Variants in SLC35F6 observed in about 807,000 individuals in gnomAD.
The protein encoded by SLC35F6 is solute carrier family 35 member F6, also known as ANT2-binding protein.
A neutral mutation model predicts 29.4 loss-of-function variants in SLC35F6; 26 were observed. That is an observed-to-expected ratio of 0.89 (90% CI 0.65 to 1.23). The LOEUF is 1.23. Ranked by LOEUF, SLC35F6 falls within the 50% of genes most tolerant of loss-of-function variation. SLC35F6 has a pLI of 0.00. For synonymous variants in SLC35F6, 174 were observed against 206.6 expected, an observed-to-expected ratio of 0.84 and a Z score of 1.35; for missense variants, 428 against 487.8, an observed-to-expected ratio of 0.88 and a Z score of 1.15.
At position 26,779,413 on chromosome 2, in the gene SLC35F6, C is replaced by G. The variant is rs891884997; in HGVS notation, c.*902C>G. On this transcript the variant is annotated 3_prime_UTR_variant, in exon 6 of 6. Coordinates refer to ENST00000344420, the MANE Select transcript of SLC35F6 (RefSeq NM_017877.4). ...ATGCTGTGGCCTTAGTGCCTTCTGGCCCCAGCATTCCATGGGCCTGTGATC... is the reference window on the plus strand; with the variant it reads ...ATGCTGTGGCCTTAGTGCCTTCTGGGCCCAGCATTCCATGGGCCTGTGATC... The G allele has an allele frequency of 6.6e-6, 1 of 152,200 alleles. No individual in the cohort carries two copies. Among genetic ancestry groups the G allele is most frequent in the African/African-American group, 2.4e-5 (1 of 41,436 alleles). 9.4% of individuals were successfully genotyped at this position (152,200 alleles called of 1,614,324 possible).
At chr2:26,776,284 C>A in intron 4 of SLC35F6, 88 bp from the exon 5 acceptor site, 2 of 1,188,442 alleles carry the variant, frequency 1.7e-6, no homozygotes, top group Non-Finnish European at 2.5e-6. Flanking sequence ...AGGTCAGGGG[C>A]TGGCATGTTT....
chr2:26,778,776 A>G lies in SLC35F6; in HGVS notation c.*265A>G. ...CTCTCTGGACCCCTCCTACAGCACT[A>G]GAGCTAAATCATGAAGTTGAATTGT... On this transcript the variant is annotated 3_prime_UTR_variant, in exon 6 of 6. Transcript: ENST00000344420. 1 of 458,910 alleles carries G rather than the reference A, an allele frequency of 2.2e-6. No individual in the cohort carries two copies. The allele number at this position is 458,910 out of a possible 1,614,324, so 28.4% of individuals were successfully genotyped here. A position where few individuals can be genotyped will look rare whatever the true frequency, so the allele number is the denominator to read the frequency against.
intron 4 of SLC35F6, 77 bp from the exon 5 acceptor site, chr2:26,776,295 G>T: frequency 1.5e-6 from 2 of 1,336,596 alleles, no homozygotes; most frequent in East Asian, 2.3e-5. Context: ...TGGCATGTTT[G>T]GTCGCTGTGG....
At position 26,772,193 on chromosome 2, in the gene SLC35F6, A is replaced by G. The variant is rs562048352; in HGVS notation, c.78-2058A>G. On this transcript the variant is annotated intron_variant, in intron 1 of 5. Transcript: ENST00000344420. ...CAAAGCTGGACAGGGACTTTGTCAAACCTAGACCCTAACTGCGGCACAACC... is the reference window on the plus strand; with the variant it reads ...CAAAGCTGGACAGGGACTTTGTCAAGCCTAGACCCTAACTGCGGCACAACC... Among the ~76,000 whole-genome samples, 439 of 152,222 alleles carry G rather than the reference A, an allele frequency of 2.9e-3. 1 individual carries two copies. The highest frequency in any genetic ancestry group is 0.01 in the African/African-American group (422 of 41,536).
chr2:26,768,018 G>A (rs910318830), intron 1 of SLC35F6, among the ~76,000 whole-genome samples: 6 of 152,212 alleles, frequency 3.9e-5, no homozygotes, highest in Admixed American at 3.9e-4. Context: ...GAAGGTGGCA[G>A]GAAGCCTGGA....
intron 1 of SLC35F6, among the ~76,000 whole-genome samples, chr2:26,769,161 C>T (rs1188708895): frequency 1.3e-5 from 2 of 152,220 alleles, no homozygotes; most frequent in African/African-American, 2.4e-5. Context: ...TCTGCCCAAG[C>T]CAGCCCCATC....
intron 1 of SLC35F6, among the ~76,000 whole-genome samples, chr2:26,766,704 C>T (rs1329563607): frequency 1.3e-5 from 2 of 152,188 alleles, no homozygotes; most frequent in Non-Finnish European, 2.9e-5. Context: ...GCACAAAGAG[C>T]ACCTCGCATG....
At chr2:26,773,967 C>T (rs1369018159) in intron 1 of SLC35F6, among the ~76,000 whole-genome samples, 1 of 152,166 alleles carries the variant, frequency 6.6e-6, no homozygotes, top group Non-Finnish European at 1.5e-5. Context: ...CTGTAATGTT[C>T]ATGAGTGATG....
At chr2:26,770,472 CTT>C (rs1033030707) in intron 1 of SLC35F6, among the ~76,000 whole-genome samples, 3 of 152,118 alleles carry the variant, frequency 2.0e-5, no homozygotes, top group African/African-American at 7.2e-5. Context: ...AATCCGATCA[CTT>C]TGGGAGATTG....
chr2:26,766,280 C>T (rs1045146137), intron 1 of SLC35F6, among the ~76,000 whole-genome samples: 3 of 152,204 alleles, frequency 2.0e-5, no homozygotes, highest in African/African-American at 7.2e-5. Flanking sequence ...GCTGCATGCA[C>T]CCCGATGTGA....
At chr2:26,769,760 G>A (rs921765395) in intron 1 of SLC35F6, among the ~76,000 whole-genome samples, 2 of 152,170 alleles carry the variant, frequency 1.3e-5, no homozygotes, top group Non-Finnish European at 2.9e-5. Context: ...GGGGAGCTGG[G>A]GCCACGCTGA....
At chr2:26,764,497 T>C in intron 1 of SLC35F6, 71 bp downstream of exon 1, 1 of 1,526,842 alleles carries the variant, frequency 6.5e-7, no homozygotes, top group Admixed American at 2.0e-5. Flanking sequence ...TCCCCCTTCT[T>C]GGCCCTGCCC....
chr2:26,768,876 C>T (rs1664141214), intron 1 of SLC35F6, among the ~76,000 whole-genome samples: 1 of 151,738 alleles, frequency 6.6e-6, no homozygotes, highest in Admixed American at 6.6e-5. Context: ...CTCCTGGGCT[C>T]AAGCAATCCA....
chr2:26,777,567 A>ACC (rs758350841), intron 5 of SLC35F6, among the ~76,000 whole-genome samples: 52 of 152,178 alleles, frequency 3.4e-4, no homozygotes, highest in Non-Finnish European at 6.6e-4. Flanking sequence ...CAGTGCATGG[A>ACC]CTTACCTTCT....
chr2:26,770,510 G>C (rs1040357503), intron 1 of SLC35F6, among the ~76,000 whole-genome samples: 3 of 152,072 alleles, frequency 2.0e-5, no homozygotes, highest in East Asian at 3.9e-4. Context: ...TTGAGGTCAG[G>C]AGTTCGAGAC....
Position 26,775,555 on chromosome 2 carries a change from G to T in SLC35F6, c.414G>T (p.Arg138=). Residue 138 remains arginine, a synonymous_variant, in exon 4 of 6, where the codon CGG becomes CGT. Transcript: ENST00000344420. This position sits in a 1 kb window ranked among gnomAD's most constrained non-coding sequence, Gnocchi z 4.6. Reference sequence around the variant, plus strand: ...TGTTCTCGGTGGCCTTCCTGGGCCGGAGGCTGGTGCTGAGCCAGTGGCTGG... The same window carrying T: ...TGTTCTCGGTGGCCTTCCTGGGCCGTAGGCTGGTGCTGAGCCAGTGGCTGG... ...TGLFSVAFLG[R]RLVLSQWLGI... is the part of the protein sequence containing the mutation. 1 of 1,608,674 alleles carries T rather than the reference G, an allele frequency of 6.2e-7. No homozygotes were observed. The highest frequency in any genetic ancestry group is 2.2e-5 in the East Asian group (1 of 44,808).
intron 1 of SLC35F6, chr2:26,765,082 G>A (rs1267860997): frequency 1.1e-6 from 1 of 922,124 alleles, no homozygotes; most frequent in Non-Finnish European, 1.3e-6. Context: ...TCAATGACAT[G>A]AGGAGTGGTT....
intron 1 of SLC35F6, chr2:26,764,960 C>T (rs1429012424): frequency 2.0e-6 from 2 of 985,310 alleles, no homozygotes; most frequent in Non-Finnish European, 2.4e-6. Flanking sequence ...TACGGAAAGG[C>T]CAGATCAAAG....
rs768906188 is a variant in SLC35F6, at chr2:26,776,455, C to A, written c.619C>A (p.His207Asn). The change falls in exon 5 of 6, where the codon CAC (histidine) becomes AAC (asparagine). Residue 207 changes from histidine (H) to asparagine (N), a missense_variant. His to Asn is a moderately conservative substitution (Grantham distance 68). Transcript: ENST00000344420. ...EEKFVYKHNV[H>N]PLRAVGTEGL... ...GAAGTTCGTCTACAAACACAATGTG[C>A]ACCCACTGCGGGCAGTTGGCACTGA... 6.2e-7 allele frequency: 1 copy of A among 1,614,186 alleles called. No individual in the cohort carries two copies. Among genetic ancestry groups the A allele is most frequent in the Non-Finnish European group, 8.5e-7 (1 of 1,180,020 alleles).
Sources: allele counts gnomAD v4.1 joint callset (sites outside exome capture counted in the v4.1 genomes callset), GRCh38; gene constraint gnomAD v4.1.1; non-coding constraint Gnocchi (gnomAD v3.1); transcripts MANE v1.5; gene names NCBI Gene and HGNC (gene_info 2026-07-23, HGNC 2026-07-21).